GALNT13: variants seen among roughly 807,000 people sequenced by gnomAD.
GALNT13 encodes the protein polypeptide N-acetylgalactosaminyltransferase 13, also known as UDP-GalNAc:polypeptide N-acetylgalactosaminyltransferase 13.
Under a neutral mutation model 64.2 loss-of-function variants are expected in GALNT13, and 28 were observed. That is an observed-to-expected ratio of 0.44 (90% confidence interval 0.32 to 0.60). The LOEUF is 0.60. Among genes scored for constraint, GALNT13 ranks in the 20% least tolerant of loss-of-function variants. The pLI is 0.05. For synonymous variants in GALNT13, 214 were observed against 224.6 expected (o/e 0.95, Z 0.42); for missense variants, 577 against 669.8 (o/e 0.86, Z 1.53).
intron 3 of GALNT13, among the ~76,000 whole-genome samples, chr2:154,110,924 C>T (rs531755066): frequency 2.9e-4 from 44 of 152,138 alleles, no homozygotes; most frequent in Non-Finnish European, 2.2e-4. Flanking sequence ...TGCATCAATC[C>T]GGAACCCAAA....
chr2:154,175,012 A>G (rs1685570944), intron 4 of GALNT13, among the ~76,000 whole-genome samples: 1 of 152,160 alleles, frequency 6.6e-6, no homozygotes, highest in African/African-American at 2.4e-5. Flanking sequence ...ATTTCATTTC[A>G]ATGTGGTTAT....
At chr2:153,365,430 A>G in the GALNT13 span, among the ~76,000 whole-genome samples, 1 of 152,230 alleles carries the variant, frequency 6.6e-6, no homozygotes, top group Non-Finnish European at 1.5e-5. Flanking sequence ...ACAGCAATAG[A>G]AACTATCATC....
chr2:153,534,970 T>G, the GALNT13 span, among the ~76,000 whole-genome samples: 1,386 of 152,022 alleles, frequency 9.1e-3, 20 homozygotes, highest in African/African-American at 0.032. Flanking sequence ...TTTATATTAA[T>G]GAGAAAAATA....
chr2:153,997,654 T>A (rs564055352), intron 3 of GALNT13, among the ~76,000 whole-genome samples: 30 of 152,270 alleles, frequency 2.0e-4, no homozygotes, highest in African/African-American at 6.7e-4. Flanking sequence ...AAAATTTTTT[T>A]AAACTATACT....
At chr2:153,846,870 A>G in the GALNT13 span, among the ~76,000 whole-genome samples, 2 of 152,170 alleles carry the variant, frequency 1.3e-5, no homozygotes, top group Non-Finnish European at 2.9e-5. Context: ...CAGTTACAAC[A>G]TAGCCTAAAG....
chr2:153,172,357 T>C, the GALNT13 span, among the ~76,000 whole-genome samples: 158 of 152,068 alleles, frequency 1.0e-3, 1 homozygote, highest in African/African-American at 3.6e-3. Context: ...AGTAGAGAGA[T>C]AGAATGTTAG....
the GALNT13 span, among the ~76,000 whole-genome samples, chr2:153,385,650 AAC>A: frequency 2.0e-5 from 3 of 152,040 alleles, no homozygotes; most frequent in African/African-American, 7.2e-5. Flanking sequence ...TTATAGTCAA[AAC>A]AGAGTGATTA....
At position 154,247,884 on chromosome 2, in the gene GALNT13, T is replaced by C. The variant is rs1373366556; in HGVS notation, c.857+1902T>C. 2.6e-5 allele frequency among the ~76,000 whole-genome samples: 4 copies of C among 152,102 alleles called. No homozygotes were observed. In the East Asian group the frequency reaches 7.7e-4, roughly 29 times the overall value. On this transcript the variant is annotated intron_variant, in intron 7 of 12. Transcript: ENST00000392825. Reference sequence around the variant, plus strand: ...ATTTTTGTGGCAAAAGGTTAATTAATTCATGGGTTCGGTTGTAACAGCCTG... The same window carrying C: ...ATTTTTGTGGCAAAAGGTTAATTAACTCATGGGTTCGGTTGTAACAGCCTG...
At chr2:153,748,283 T>G in the GALNT13 span, among the ~76,000 whole-genome samples, 3 of 152,096 alleles carry the variant, frequency 2.0e-5, no homozygotes, top group African/African-American at 7.2e-5. Context: ...ATTCAAAAGT[T>G]GTTCATACCC....
At chr2:153,331,471 C>T in the GALNT13 span, among the ~76,000 whole-genome samples, 3 of 152,002 alleles carry the variant, frequency 2.0e-5, no homozygotes, top group Non-Finnish European at 4.4e-5. Flanking sequence ...TACATGATCA[C>T]AAGGTTCCAC....
chr2:153,889,201 A>C (rs1687382292), intron 1 of GALNT13, among the ~76,000 whole-genome samples: 1 of 151,942 alleles, frequency 6.6e-6, no homozygotes, highest in Non-Finnish European at 1.5e-5. Flanking sequence ...TAAATTATTG[A>C]TCTTATTTCA....
the GALNT13 span, among the ~76,000 whole-genome samples, chr2:153,463,247 T>C: frequency 1.4e-4 from 22 of 152,206 alleles, no homozygotes; most frequent in South Asian, 4.3e-3. Context: ...GTAATGTTTT[T>C]AAGAACTTCC....
chr2:153,251,646 G>T, the GALNT13 span, among the ~76,000 whole-genome samples: 2,907 of 116,608 alleles, frequency 0.025, 119 homozygotes, highest in African/African-American at 0.093. Flanking sequence ...ACAGTCCCCA[G>T]AGTGTGATGT....
the GALNT13 span, among the ~76,000 whole-genome samples, chr2:153,196,907 C>T: frequency 2.6e-5 from 4 of 152,192 alleles, no homozygotes; most frequent in African/African-American, 4.8e-5. Context: ...TCGTACCTCC[C>T]CACTGCAGCT....
At chr2:153,608,192 G>T in the GALNT13 span, among the ~76,000 whole-genome samples, 1 of 152,122 alleles carries the variant, frequency 6.6e-6, no homozygotes, top group African/African-American at 2.4e-5. Flanking sequence ...AATAGTGGAT[G>T]AATCACATTT....
At chr2:154,421,001 G>GT (rs960632519) in intron 11 of GALNT13, among the ~76,000 whole-genome samples, 14 of 151,740 alleles carry the variant, frequency 9.2e-5, no homozygotes, top group East Asian at 3.9e-4. Context: ...GATATTCCTA[G>GT]TTTTTTTTGC....
chr2:153,227,276 T>C, the GALNT13 span, among the ~76,000 whole-genome samples: 1 of 152,208 alleles, frequency 6.6e-6, no homozygotes, highest in African/African-American at 2.4e-5. Flanking sequence ...TCCAGGTCGA[T>C]GAATATGAGT....
chr2:154,297,230 A>G (rs534825537), intron 8 of GALNT13, among the ~76,000 whole-genome samples: 2 of 152,344 alleles, frequency 1.3e-5, no homozygotes, highest in South Asian at 2.1e-4. Context: ...TTCTCACTAC[A>G]AAACAAATTG....
rs371645387 is a variant in GALNT13 at position 154,351,613 on chromosome 2, G to T, written c.1157-44378G>T. ...CAGGAGAATGGCGTGAACCCTGGAG[G>T]CGGAGTTTGCAGTGAGCTGAGATGG... On this transcript the variant is annotated intron_variant, in intron 9 of 12. Coordinates refer to ENST00000392825, the MANE Select transcript of GALNT13 (RefSeq NM_052917.4). Among the ~76,000 whole-genome samples the T allele has an allele frequency of 6.6e-5, 9 of 135,460 alleles. 1 individual carries two copies. The highest frequency in any genetic ancestry group is 2.4e-4 in the African/African-American group (9 of 36,922). 88.9% of individuals were successfully genotyped at this position (135,460 alleles called of 152,430 possible). A position where few individuals can be genotyped will look rare whatever the true frequency, so the allele number is the denominator to read the frequency against.
Sources: allele counts gnomAD v4.1 joint callset (sites outside exome capture counted in the v4.1 genomes callset), GRCh38; gene constraint gnomAD v4.1.1; transcripts MANE v1.5; gene names NCBI Gene and HGNC (gene_info 2026-07-23, HGNC 2026-07-21).